The following EYA1 variants were observed in gnomAD, a reference collection of about 807,000 sequenced individuals.
EYA1 encodes the protein EYA transcriptional coactivator and phosphatase 1.
Under a neutral mutation model 82.0 loss-of-function variants are expected in EYA1, and 16 were observed. The ratio of observed to expected loss-of-function variants is 0.20; its 90% CI spans 0.13 to 0.30. The LOEUF (loss-of-function observed/expected upper bound fraction) is 0.30. EYA1 is among the 10% of genes least tolerant of loss of function. The pLI, the probability that EYA1 is intolerant of heterozygous loss-of-function variation, is 1.00. For synonymous variants in EYA1, 261 were observed against 264.4 expected, an observed-to-expected ratio of 0.99 and a Z score of 0.12; for missense variants, 633 against 730.7, an observed-to-expected ratio of 0.87 and a Z score of 1.54.
At chr8:71,544,600 C>T (rs1815405955) in intron 1 of EYA1, among the ~76,000 whole-genome samples, 2 of 152,122 alleles carry the variant, frequency 1.3e-5, no homozygotes, top group Non-Finnish European at 2.9e-5. Context: ...CAAAATGATC[C>T]TTGAAATATT....
At chr8:71,493,311 T>G (rs577606074) in intron 2 of EYA1, among the ~76,000 whole-genome samples, 2 of 152,332 alleles carry the variant, frequency 1.3e-5, no homozygotes, top group South Asian at 4.1e-4. Flanking sequence ...GGAACAAGTA[T>G]TATCTTGTTC....
At chr8:71,290,933 C>T (rs751345758) in intron 9 of EYA1, among the ~76,000 whole-genome samples, 11 of 152,114 alleles carry the variant, frequency 7.2e-5, no homozygotes, top group Admixed American at 4.6e-4. Flanking sequence ...TTTGTTTTGC[C>T]GACAAATGTT....
In EYA1 at chr8:71,354,814, T is replaced by C. The variant is rs1826690625; in HGVS notation, c.92A>G (p.Asn31Ser). The change falls in exon 3 of 18, where the codon AAT becomes AGT. Residue 31 changes from asparagine to serine, a missense_variant. Asn to Ser is a conservative substitution (Grantham distance 46). Coordinates refer to ENST00000340726, the MANE Select transcript of EYA1 (RefSeq NM_000503.6). Reference sequence around the variant, plus strand: ...GCCATTGGGAGTCATGGAATTACTATTTATATGAGAGTTACCGAGTTTGGG... The same window carrying C: ...GCCATTGGGAGTCATGGAATTACTACTTATATGAGAGTTACCGAGTTTGGG... ...SGPKLGNSHI[N>S]SNSMTPNGTE... 1 of 1,613,588 alleles carries C rather than the reference T, an allele frequency of 6.2e-7. No homozygotes were observed. The highest frequency in any genetic ancestry group is 8.5e-7 in the Non-Finnish European group (1 of 1,179,614).
At chr8:71,440,572 C>A (rs990235466) in intron 2 of EYA1, among the ~76,000 whole-genome samples, 2 of 152,096 alleles carry the variant, frequency 1.3e-5, no homozygotes, top group Non-Finnish European at 2.9e-5. Flanking sequence ...ACATGCAAAA[C>A]ATTCAGGGAT....
chr8:71,539,577 G>A (rs1284501476), intron 1 of EYA1, among the ~76,000 whole-genome samples: 1 of 152,122 alleles, frequency 6.6e-6, no homozygotes, highest in African/African-American at 2.4e-5. Context: ...AACACCTTAG[G>A]GAACTATGCC....
intron 9 of EYA1, among the ~76,000 whole-genome samples, chr8:71,282,310 T>A (rs1817899116): frequency 6.6e-6 from 1 of 152,216 alleles, no homozygotes; most frequent in South Asian, 2.1e-4. Context: ...TTCCACTTCC[T>A]CTAGATTCTG....
At chr8:71,360,697 C>T (rs1827294597) in intron 1 of EYA1, among the ~76,000 whole-genome samples, 1 of 152,184 alleles carries the variant, frequency 6.6e-6, no homozygotes, top group Non-Finnish European at 1.5e-5. Context: ...CTCATGCAAG[C>T]ATAAAATAAA....
intron 9 of EYA1, among the ~76,000 whole-genome samples, chr8:71,292,696 G>A (rs143370776): frequency 2.0e-5 from 3 of 151,924 alleles, no homozygotes; most frequent in Non-Finnish European, 2.9e-5. Flanking sequence ...TAAAAGGGAG[G>A]ATTCCAGTGG....
At chr8:71,480,056 C>G (rs1810009834) in intron 2 of EYA1, among the ~76,000 whole-genome samples, 1 of 151,962 alleles carries the variant, frequency 6.6e-6, no homozygotes, top group Non-Finnish European at 1.5e-5. Context: ...ATTTCCTCAT[C>G]TTGTTCTAAT....
At chr8:71,281,401 G>C (rs1038409507) in intron 9 of EYA1, among the ~76,000 whole-genome samples, 3 of 152,176 alleles carry the variant, frequency 2.0e-5, no homozygotes, top group African/African-American at 4.8e-5. Flanking sequence ...GATACCACTA[G>C]TGAACATTTT....
At chr8:71,202,445 A>G (rs1455962027) in intron 17 of EYA1, among the ~76,000 whole-genome samples, 1 of 152,182 alleles carries the variant, frequency 6.6e-6, no homozygotes, top group East Asian at 1.9e-4. Flanking sequence ...ATCTGCAAAC[A>G]ACCCTAAGTT....
At chr8:71,409,856 CCTCCCT>C (rs1563585579) in intron 2 of EYA1, among the ~76,000 whole-genome samples, 2 of 135,586 alleles carry the variant, frequency 1.5e-5, no homozygotes, top group Non-Finnish European at 3.2e-5. Flanking sequence ...AAGAGGGAAT[CCTCCCT>C]AACTCATTTT....
Position 71,215,595 on chromosome 8 carries a change from A to C in EYA1, c.1475+19T>G. ...GAGCATTGCCCATTTCCTGGCAAAG[A>C]CCCCGCAGAGAGCCTCACCGGGAGT... On this transcript the variant is annotated intron_variant, in intron 15 of 17. Coordinates refer to ENST00000340726, the MANE Select transcript of EYA1 (RefSeq NM_000503.6). The C allele has an allele frequency of 6.2e-7, 1 of 1,610,320 alleles. No individual in the cohort carries two copies. The highest frequency in any genetic ancestry group is 8.5e-7 in the Non-Finnish European group (1 of 1,176,588).
intron 11 of EYA1, 152 bp downstream of exon 11, chr8:71,269,588 T>G: frequency 2.0e-6 from 1 of 512,670 alleles, no homozygotes; most frequent in Non-Finnish European, 3.4e-6. Flanking sequence ...TTTTACATAT[T>G]TTTTACCTTA....
At chr8:71,203,272 A>G (rs1227951714) in intron 17 of EYA1, among the ~76,000 whole-genome samples, 1 of 152,198 alleles carries the variant, frequency 6.6e-6, no homozygotes, top group Non-Finnish European at 1.5e-5. Context: ...TTATCAAAAC[A>G]AAGTCTGTTA....
rs77204773 is a variant in EYA1, at chr8:71,300,538, C to T, written c.557-818G>A. Among the ~76,000 whole-genome samples, 1,013 of 152,206 alleles carry T rather than the reference C, an allele frequency of 6.7e-3. 10 individuals carry two copies. The highest frequency in any genetic ancestry group is 0.022 in the African/African-American group (929 of 41,538). ...TCATACACTGCAAAATGGGAATTTA[C>T]ATAGGCACAATCTTTCTGTTTGGCT... On this transcript the variant is annotated intron_variant, in intron 7 of 17. Transcript: ENST00000340726.
At chr8:71,339,425 T>C (rs1824868844) in intron 3 of EYA1, among the ~76,000 whole-genome samples, 1 of 152,156 alleles carries the variant, frequency 6.6e-6, no homozygotes, top group African/African-American at 2.4e-5. Context: ...ATTCTGTCTT[T>C]ATTCTTTTGA....
intron 3 of EYA1, among the ~76,000 whole-genome samples, chr8:71,339,733 T>C (rs758557010): frequency 2.6e-5 from 4 of 152,212 alleles, no homozygotes; most frequent in Non-Finnish European, 5.9e-5. Flanking sequence ...ACTTTCCCAA[T>C]TGCCCAGTTC....
chr8:71,221,715 A>G (rs1034756524), intron 12 of EYA1, among the ~76,000 whole-genome samples: 6 of 152,194 alleles, frequency 3.9e-5, no homozygotes, highest in African/African-American at 9.7e-5. Context: ...ATTGGCAGCC[A>G]ATGCCAGGGA....
Sources: allele counts gnomAD v4.1 joint callset (sites outside exome capture counted in the v4.1 genomes callset), GRCh38; gene constraint gnomAD v4.1.1; transcripts MANE v1.5; gene names NCBI Gene and HGNC (gene_info 2026-07-23, HGNC 2026-07-21).